The following PLCB4 variants were observed in gnomAD, a reference collection of about 807,000 sequenced individuals.
PLCB4 encodes 1-phosphatidylinositol 4,5-bisphosphate phosphodiesterase beta-4.
In PLCB4, 77 loss-of-function variants were observed where a neutral mutation model predicts 178.8. The observed-to-expected ratio is 0.43, with a 90% CI of 0.36 to 0.52. The LOEUF (loss-of-function observed/expected upper bound fraction) is 0.52, where lower values mean the gene tolerates loss of function less well. Ranked by LOEUF, PLCB4 falls within the 20% of genes least tolerant of loss-of-function variation. The probability of loss-of-function intolerance (pLI) is 0.00; values close to 1 mark genes in which losing one functional copy is unlikely to be tolerated. For synonymous variants in PLCB4, 496 were observed against 490.8 expected (o/e 1.01, Z -0.14); for missense variants, 1,024 against 1,453.4 (o/e 0.70, Z 4.80).
chr20:9,316,493 C>T (rs768327421), intron 4 of PLCB4, among the ~76,000 whole-genome samples: 11 of 152,166 alleles, frequency 7.2e-5, no homozygotes, highest in Non-Finnish European at 7.3e-5. Flanking sequence ...TTGGAGAAGA[C>T]CAGGACTTTA....
intron 12 of PLCB4, among the ~76,000 whole-genome samples, chr20:9,379,469 A>G (rs1440940272): frequency 6.6e-6 from 1 of 152,172 alleles, no homozygotes; most frequent in African/African-American, 2.4e-5. Context: ...TTTCATCATT[A>G]CAATTGGTTC....
At chr20:9,243,242 A>G (rs1324705810) in intron 3 of PLCB4, among the ~76,000 whole-genome samples, 1 of 152,214 alleles carries the variant, frequency 6.6e-6, no homozygotes, top group African/African-American at 2.4e-5. Context: ...AAGGTTAAAG[A>G]AATTAACTTG....
intron 2 of PLCB4, among the ~76,000 whole-genome samples, chr20:9,163,813 T>G (rs2092927359): frequency 6.6e-6 from 1 of 152,092 alleles, no homozygotes; most frequent in Non-Finnish European, 1.5e-5. Flanking sequence ...TTGCCTCCAT[T>G]TCATATTTAA....
intron 2 of PLCB4, among the ~76,000 whole-genome samples, chr20:9,204,653 G>T (rs1030744458): frequency 6.6e-6 from 1 of 151,986 alleles, no homozygotes; most frequent in Non-Finnish European, 1.5e-5. Flanking sequence ...ATGAGCCACC[G>T]CGCCCGGCCG....
chr20:9,182,796 C>T (rs2093268982), intron 2 of PLCB4, among the ~76,000 whole-genome samples: 1 of 152,244 alleles, frequency 6.6e-6, no homozygotes, highest in Non-Finnish European at 1.5e-5. Flanking sequence ...CCCTTCTCAG[C>T]TGTCTCAGCC....
intron 2 of PLCB4, among the ~76,000 whole-genome samples, chr20:9,191,696 C>T (rs889769686): frequency 6.6e-6 from 1 of 151,890 alleles, no homozygotes; most frequent in African/African-American, 2.4e-5. Flanking sequence ...GGAAATATAC[C>T]CCGAGTCCCT....
At chr20:9,288,382 C>A (rs1305377598) in intron 3 of PLCB4, among the ~76,000 whole-genome samples, 1 of 149,582 alleles carries the variant, frequency 6.7e-6, no homozygotes, top group Non-Finnish European at 1.5e-5. Context: ...CATAAAAAGG[C>A]CTTTTTCCTT....
At chr20:9,079,405 G>A (rs1302931021) in intron 1 of PLCB4, among the ~76,000 whole-genome samples, 2 of 152,208 alleles carry the variant, frequency 1.3e-5, no homozygotes, top group African/African-American at 4.8e-5. Context: ...AGGCTGACAA[G>A]AGCTGTATCC....
intron 3 of PLCB4, among the ~76,000 whole-genome samples, chr20:9,225,733 G>A (rs1056330145): frequency 2.0e-5 from 3 of 152,118 alleles, no homozygotes; most frequent in Non-Finnish European, 4.4e-5. Flanking sequence ...CCCCTGCATT[G>A]GGCATGTTTG....
intron 30 of PLCB4, among the ~76,000 whole-genome samples, chr20:9,438,688 AAAG>A (rs2041932398): frequency 6.6e-6 from 1 of 152,214 alleles, no homozygotes; most frequent in African/African-American, 2.4e-5. Flanking sequence ...AATGGGGAAA[AAAG>A]AGAAAAGAGA....
intron 3 of PLCB4, among the ~76,000 whole-genome samples, chr20:9,275,178 C>T (rs919152362): frequency 7.3e-5 from 11 of 151,722 alleles, no homozygotes; most frequent in Non-Finnish European, 1.5e-4. Flanking sequence ...GGGGAGGTCT[C>T]ACAATCATGG....
chr20:9,326,487 A>G (rs968442722), intron 4 of PLCB4, among the ~76,000 whole-genome samples: 1 of 152,040 alleles, frequency 6.6e-6, no homozygotes, highest in Non-Finnish European at 1.5e-5. Flanking sequence ...TTTTGTTCCT[A>G]TTGGTTTTGA....
intron 7 of PLCB4, among the ~76,000 whole-genome samples, chr20:9,347,230 C>T (rs145848469): frequency 6.6e-6 from 1 of 152,290 alleles, no homozygotes; most frequent in East Asian, 1.9e-4. Context: ...GGCACTTTCA[C>T]TTATTTCCAG....
intron 1 of PLCB4, among the ~76,000 whole-genome samples, chr20:9,087,063 G>A (rs979740767): frequency 5.3e-5 from 8 of 152,034 alleles, no homozygotes; most frequent in Middle Eastern, 3.4e-3. Flanking sequence ...GTGTGTTTCC[G>A]TTTAAAATGT....
intron 25 of PLCB4, 143 bp from the exon 26 acceptor site, chr20:9,419,664 C>G (rs534834794): frequency 2.8e-5 from 18 of 643,920 alleles, no homozygotes; most frequent in African/African-American, 2.5e-4. Context: ...CGGGCACATT[C>G]TCTTCCATCC....
intron 15 of PLCB4, 105 bp from the exon 16 acceptor site, chr20:9,389,774 T>G: frequency 3.1e-6 from 2 of 638,870 alleles, no homozygotes; most frequent in Non-Finnish European, 5.5e-6. Flanking sequence ...TCTGAATTGC[T>G]GGAATTGACT....
chr20:9,194,566 G>A (rs1489838446), intron 2 of PLCB4, among the ~76,000 whole-genome samples: 2 of 151,668 alleles, frequency 1.3e-5, no homozygotes, highest in East Asian at 1.9e-4. Flanking sequence ...CAGGCCAGGC[G>A]CCTGTAGTCC....
At chr20:9,246,895 G>C (rs1569013442) in intron 3 of PLCB4, among the ~76,000 whole-genome samples, 1 of 152,018 alleles carries the variant, frequency 6.6e-6, no homozygotes, top group Admixed American at 6.6e-5. Context: ...TTAATACCTA[G>C]AACAAAACAT....
chr20:9,328,472 A>G (rs1244398426), intron 4 of PLCB4, among the ~76,000 whole-genome samples: 1 of 152,246 alleles, frequency 6.6e-6, no homozygotes. Flanking sequence ...CGGGGAATCC[A>G]TAAGAAATGC....
Sources: gnomAD v4.1 joint callset for allele counts (sites outside exome capture counted in the v4.1 genomes callset) on GRCh38, gnomAD v4.1.1 for gene constraint, MANE v1.5 for transcripts, NCBI Gene and HGNC (gene_info 2026-07-23, HGNC 2026-07-21) for gene names.